The following ELMOD1 variants were observed in gnomAD, a reference collection of about 807,000 sequenced individuals.
ELMOD1 encodes ELMO domain containing 1.
ELMOD1 carries 21 observed loss-of-function variants against 46.7 expected under a neutral mutation model. The observed-to-expected ratio is 0.45, with a 90% CI of 0.32 to 0.65. ELMOD1 has a LOEUF of 0.65. Ranked by LOEUF, ELMOD1 falls within the 30% of genes least tolerant of loss-of-function variation. ELMOD1 has a pLI of 0.04. For synonymous variants in ELMOD1, 122 were observed against 138.2 expected (o/e 0.88, Z 0.82); for missense variants, 348 against 407.8 (o/e 0.85, Z 1.26).
At chr11:107,626,610 C>T (rs1487347235) in intron 2 of ELMOD1, among the ~76,000 whole-genome samples, 3 of 134,654 alleles carry the variant, frequency 2.2e-5, no homozygotes, top group African/African-American at 8.2e-5. Flanking sequence ...ATCTTCTTTC[C>T]TTCTTTCTTT....
chr11:107,606,383 C>G (rs1444736149), intron 1 of ELMOD1, among the ~76,000 whole-genome samples: 1 of 152,190 alleles, frequency 6.6e-6, no homozygotes, highest in Non-Finnish European at 1.5e-5. Flanking sequence ...CATCTGTGCT[C>G]TTGCCTGATG....
intron 1 of ELMOD1, 57 bp downstream of exon 1, chr11:107,591,466 G>C (rs966853289): frequency 5.2e-6 from 1 of 193,458 alleles, no homozygotes; most frequent in African/African-American, 2.4e-5. Context: ...TTGGGGAGGA[G>C]AGAGGTGCGG....
At chr11:107,642,997 A>G (rs1197541845) in intron 6 of ELMOD1, 1 of 247,438 alleles carries the variant, frequency 4.0e-6, no homozygotes, top group African/African-American at 2.4e-5. Context: ...GTGATACAAA[A>G]TGACACAAAA....
At chr11:107,603,903 A>T (rs972769819) in intron 1 of ELMOD1, among the ~76,000 whole-genome samples, 2 of 150,490 alleles carry the variant, frequency 1.3e-5, no homozygotes, top group African/African-American at 2.5e-5. Context: ...ATTAAAGATT[A>T]AAAAAAAACA....
At position 107,591,939 on chromosome 11, in the gene ELMOD1, G is replaced by A. The variant is rs374998568; in HGVS notation, c.-86+530G>A. 795 of 514,446 alleles carry A rather than the reference G, an allele frequency of 1.5e-3. 16 individuals are homozygous for A. Among genetic ancestry groups the A allele is most frequent in the South Asian group, 0.011 (737 of 68,060 alleles). The allele number at this position is 514,446 out of a possible 1,614,324, so 31.9% of individuals were successfully genotyped here. A position where few individuals can be genotyped will look rare whatever the true frequency, so the allele number is the denominator to read the frequency against. On this transcript the variant is annotated intron_variant, in intron 1 of 11. Coordinates refer to ENST00000265840, the MANE Select transcript of ELMOD1 (RefSeq NM_018712.4). ...GAGCGGTCGGCTGGGCTGTTGAGCT[G>A]CGCCTCCTCCAACTGCTGGGAAACT...
At chr11:107,610,648 G>T (rs1865760835) in intron 1 of ELMOD1, among the ~76,000 whole-genome samples, 1 of 149,144 alleles carries the variant, frequency 6.7e-6, no homozygotes, top group African/African-American at 2.5e-5. Flanking sequence ...GGGTGACAGG[G>T]TGAGATCCTA....
intron 6 of ELMOD1, among the ~76,000 whole-genome samples, chr11:107,640,173 G>GT (rs909010601): frequency 2.0e-5 from 3 of 151,824 alleles, no homozygotes; most frequent in African/African-American, 4.8e-5. Flanking sequence ...CTGGCTCAAG[G>GT]TTTTTTTTAA....
chr11:107,603,341 C>T (rs1456446276), intron 1 of ELMOD1, among the ~76,000 whole-genome samples: 2 of 152,214 alleles, frequency 1.3e-5, no homozygotes, highest in African/African-American at 4.8e-5. Flanking sequence ...GAGTTCGAGA[C>T]TAGCCTGGCC....
intron 1 of ELMOD1, among the ~76,000 whole-genome samples, chr11:107,598,367 A>G (rs1189417710): frequency 6.6e-6 from 1 of 152,162 alleles, no homozygotes; most frequent in Non-Finnish European, 1.5e-5. Flanking sequence ...TTTTTGTTCT[A>G]TTCAGGCCCT....
chr11:107,652,445 T>A (rs1394667365), intron 9 of ELMOD1, among the ~76,000 whole-genome samples: 1 of 152,238 alleles, frequency 6.6e-6, no homozygotes, highest in Non-Finnish European at 1.5e-5. Context: ...GGGAATGCCA[T>A]CTGTTTGGGC....
intron 1 of ELMOD1, among the ~76,000 whole-genome samples, chr11:107,599,438 ATAAT>A (rs1459509379): frequency 6.6e-6 from 1 of 152,118 alleles, no homozygotes; most frequent in African/African-American, 2.4e-5. Flanking sequence ...AGCTCAATAA[ATAAT>A]TATTTTAAAG....
intron 6 of ELMOD1, among the ~76,000 whole-genome samples, chr11:107,646,989 C>CTATCTGTCTATCTAT (rs1866441353): frequency 1.5e-5 from 2 of 132,036 alleles, no homozygotes. Context: ...TATCTATCTA[C>CTATCTGTCTATCTAT]CTATCTACCT....
chr11:107,614,429 C>G (rs1377662783), intron 1 of ELMOD1, among the ~76,000 whole-genome samples: 4 of 152,188 alleles, frequency 2.6e-5, no homozygotes, highest in African/African-American at 7.2e-5. Flanking sequence ...ACTTCCACCT[C>G]CCGGGTTCAA....
intron 7 of ELMOD1, among the ~76,000 whole-genome samples, chr11:107,648,160 G>A (rs770820877): frequency 2.0e-5 from 3 of 151,874 alleles, no homozygotes; most frequent in East Asian, 1.9e-4. Context: ...TACTTTTTAC[G>A]GCTGGTTTGT....
intron 5 of ELMOD1, 143 bp from the exon 6 acceptor site, chr11:107,635,493 T>C (rs1866213048): frequency 1.2e-6 from 1 of 800,280 alleles, no homozygotes; most frequent in Non-Finnish European, 1.8e-6. Context: ...GAATTGTGCT[T>C]CTATTAAATA....
chr11:107,660,626 G>A (rs190759973), intron 11 of ELMOD1, among the ~76,000 whole-genome samples: 4 of 152,300 alleles, frequency 2.6e-5, no homozygotes, highest in African/African-American at 9.6e-5. Context: ...TCAGGCCCTC[G>A]TTTCCAGCTT....
At chr11:107,661,986 A>G (rs113738732) in intron 11 of ELMOD1, among the ~76,000 whole-genome samples, 3,553 of 152,314 alleles carry the variant, frequency 0.023, 38 homozygotes, top group Non-Finnish European at 0.028. Flanking sequence ...AACAGTCTCC[A>G]AATCATGGCA....
intron 5 of ELMOD1, among the ~76,000 whole-genome samples, chr11:107,635,343 G>A (rs1191602151): frequency 6.6e-6 from 1 of 151,974 alleles, no homozygotes; most frequent in African/African-American, 2.4e-5. Context: ...TTGTACTCCT[G>A]GCTTCAAGCA....
At chr11:107,655,502 A>T (rs575707197) in intron 10 of ELMOD1, among the ~76,000 whole-genome samples, 50 of 149,398 alleles carry the variant, frequency 3.3e-4, no homozygotes, top group African/African-American at 1.1e-3. Context: ...TAGGGTGGGG[A>T]CGGAAGGGTG....
Sources: allele counts gnomAD v4.1 joint callset (sites outside exome capture counted in the v4.1 genomes callset), GRCh38; gene constraint gnomAD v4.1.1; transcripts MANE v1.5; gene names NCBI Gene and HGNC (gene_info 2026-07-23, HGNC 2026-07-21).